The following DPH2 variants were observed in gnomAD, a reference collection of about 807,000 sequenced individuals.
The protein encoded by DPH2 is 2-(3-amino-3-carboxypropyl)histidine synthase subunit 2.
A neutral mutation model predicts 42.5 loss-of-function variants in DPH2; 28 were observed. That is an observed-to-expected ratio of 0.66 (90% CI 0.49 to 0.90). The LOEUF (loss-of-function observed/expected upper bound fraction) is 0.90. Among genes scored for constraint, DPH2 ranks in the 40% least tolerant of loss-of-function variants. The probability of loss-of-function intolerance (pLI) is 0.00; values close to 1 mark genes in which losing one functional copy is unlikely to be tolerated. For synonymous variants in DPH2, 279 were observed against 264.4 expected (o/e 1.06, Z -0.53); for missense variants, 576 against 636.0 (o/e 0.91, Z 1.01).
In DPH2 at chr1:43,971,208, G is replaced by A. The variant is rs1263823988; in HGVS notation, c.484+19G>A. On this transcript the variant is annotated intron_variant, in intron 3 of 5. Coordinates refer to ENST00000255108, the MANE Select transcript of DPH2 (RefSeq NM_001384.5). ...GCCCTGGGTAAGGGGTTTTGCCTGT[G>A]TATGCACAAAGGGTGAGCCAACTGC... The A allele has an allele frequency of 1.9e-6, 3 of 1,548,316 alleles. No individual in the cohort carries two copies. The highest frequency in any genetic ancestry group is 3.9e-5 in the Admixed American group (2 of 50,854).
In DPH2 at chr1:43,972,675, C is replaced by G. The variant is rs1310364684; in HGVS notation, c.*136C>G. ...AGGAGGGAGAGCAGGCAGCCCTTCA[C>G]AGGATAGGATCCGTCTCTGTCCTGT... is the stretch of plus-strand genomic sequence containing the variant. On this transcript the variant is annotated 3_prime_UTR_variant, in exon 6 of 6. Coordinates refer to ENST00000255108, the MANE Select transcript of DPH2 (RefSeq NM_001384.5). 6.9e-6 allele frequency: 9 copies of G among 1,297,092 alleles called. No individual in the cohort carries two copies. In the East Asian group the frequency reaches 2.1e-4, roughly 31 times the overall value. 80.3% of individuals were successfully genotyped at this position (1,297,092 alleles called of 1,614,324 possible). A position where few individuals can be genotyped will look rare whatever the true frequency, so the allele number is the denominator to read the frequency against.
At position 43,972,144 on chromosome 1, in the gene DPH2, C is replaced by T; in HGVS notation, c.1169-14C>T. On this transcript the variant is annotated splice_polypyrimidine_tract_variant and intron_variant, in intron 4 of 5. Transcript: ENST00000255108. ...AGGGGGTGAGTATGGATTTTCTTTC[C>T]TCCTCCCTTTCAGGCTCTCCCTTCC... 1.2e-6 allele frequency: 2 copies of T among 1,611,692 alleles called. No individual in the cohort carries two copies. Among genetic ancestry groups the T allele is most frequent in the Non-Finnish European group, 1.7e-6 (2 of 1,178,272 alleles).
At chr1:43,970,450 T>C in intron 1 of DPH2, 128 bp downstream of exon 1, 2 of 1,524,602 alleles carry the variant, frequency 1.3e-6, no homozygotes, top group Non-Finnish European at 1.8e-6. Flanking sequence ...GCGTTGACCA[T>C]CCCTCCCTTC....
chr1:43,972,534 G>A lies in DPH2; in HGVS notation c.1465G>A (p.Gly489Ser), dbSNP rs767903680. 13 of 1,614,180 alleles carry A rather than the reference G, an allele frequency of 8.1e-6. No individual in the cohort carries two copies. The highest frequency in any genetic ancestry group is 2.2e-5 in the South Asian group (2 of 91,082). The change falls in exon 6 of 6, where the codon GGC becomes AGC. Residue 489 changes from glycine (G) to serine (S), a missense_variant. Gly to Ser is a moderately conservative substitution (Grantham distance 56). Coordinates refer to ENST00000255108, the MANE Select transcript of DPH2 (RefSeq NM_001384.5). ...CATCGCCTATGAGGATGAGGGAAGC[G>A]GCTGATACCATGTGGGGCTGGAGAC... ...IAIAYEDEGS[G>S] is the part of the protein sequence containing the mutation.
chr1:43,970,511 T>C, intron 1 of DPH2, 85 bp from the exon 2 acceptor site: 1 of 1,549,508 alleles, frequency 6.5e-7, no homozygotes, highest in Non-Finnish European at 8.9e-7. Context: ...GCTTTGAAGG[T>C]TGAGTGGGAG....
chr1:43,971,153 G>T lies in DPH2; in HGVS notation c.448G>T (p.Val150Leu). Residue 150 changes from valine to leucine, a missense_variant, in exon 3 of 6, where the codon GTG (valine) becomes TTG (leucine). Val to Leu is a conservative substitution (Grantham distance 32). Around this residue, in one of 3 missense-constraint regions of DPH2, gnomAD observed 395 missense variants for 435.2 expected, o/e 0.91. Transcript: ENST00000255108. The part of the protein sequence containing the change: ...AQNPDPKAPV[V>L]LLSEPACAHA... Reference sequence around the variant, plus strand: ...GAACCCAGACCCCAAAGCGCCTGTGGTGCTGCTGAGTGAGCCGGCCTGTGC... The same window carrying T: ...GAACCCAGACCCCAAAGCGCCTGTGTTGCTGCTGAGTGAGCCGGCCTGTGC... 1.9e-6 allele frequency: 3 copies of T among 1,556,100 alleles called. No individual in the cohort carries two copies. The South Asian group carries it at 3.5e-5, about 18-fold the overall frequency.
intron 1 of DPH2, 51 bp downstream of exon 1, chr1:43,970,373 C>T (rs1339694936): frequency 1.5e-5 from 24 of 1,595,338 alleles, no homozygotes; most frequent in Middle Eastern, 1.7e-4. Flanking sequence ...GATGGGTCGC[C>T]CAGAGGATCC....
rs1423235020 is a variant in DPH2, at chr1:43,973,207, T to A, written c.*668T>A. ...TAAGATTAAAAGCTCAGTTTCTCAGTCACATTAGTCATTCAAGTGTTCAGA... is the reference window on the plus strand; with the variant it reads ...TAAGATTAAAAGCTCAGTTTCTCAGACACATTAGTCATTCAAGTGTTCAGA... On this transcript the variant is annotated 3_prime_UTR_variant, in exon 6 of 6. Transcript: ENST00000255108. 1 of 152,254 alleles carries A rather than the reference T, an allele frequency of 6.6e-6. No individual in the cohort carries two copies. Among genetic ancestry groups the A allele is most frequent in the Non-Finnish European group, 1.5e-5 (1 of 68,080 alleles). The allele number at this position is 152,254 out of a possible 1,614,324, so 9.4% of individuals were successfully genotyped here.
At position 43,972,619 on chromosome 1, in the gene DPH2, C is replaced by A; in HGVS notation, c.*80C>A. 1 of 1,572,024 alleles carries A rather than the reference C, an allele frequency of 6.4e-7. No individual in the cohort carries two copies. Among genetic ancestry groups the A allele is most frequent in the South Asian group, 1.2e-5 (1 of 85,248 alleles). On this transcript the variant is annotated 3_prime_UTR_variant, in exon 6 of 6. Coordinates refer to ENST00000255108, the MANE Select transcript of DPH2 (RefSeq NM_001384.5). ...AGTGCTCCCTGCACCAACCTCCCAT[C>A]CCCCTGCCAAGATCCTTGAAGGACC...
In DPH2 at chr1:43,970,600, C is replaced by T; in HGVS notation, c.152C>T (p.Ala51Val). 2.5e-6 allele frequency: 4 copies of T among 1,614,154 alleles called. No individual in the cohort carries two copies. Among genetic ancestry groups the T allele is most frequent in the Non-Finnish European group, 3.4e-6 (4 of 1,180,002 alleles). Reference sequence around the variant, plus strand: ...CTCCATGGTTTATGCTTATAGGTTGCCTTGCAGTTCCCTGACCAGCTATTG... The same window carrying T: ...CTCCATGGTTTATGCTTATAGGTTGTCTTGCAGTTCCCTGACCAGCTATTG... The part of the protein sequence containing the change: ...FVRDLGCERV[A>V]LQFPDQLLGD... The change falls in exon 2 of 6, where the codon GCC becomes GTC. Residue 51 changes from alanine (A) to valine (V), a missense_variant. Transcript: ENST00000255108.
In DPH2 at chr1:43,970,071, C is replaced by A. The variant is rs2085386450; in HGVS notation, c.-105C>A. ...GAAGGCCGACTGTGATTCCCCCTACCCCCACAAGGCGATTTTGACCCCCTG... is the reference window on the plus strand; with the variant it reads ...GAAGGCCGACTGTGATTCCCCCTACACCCACAAGGCGATTTTGACCCCCTG... On this transcript the variant is annotated 5_prime_UTR_variant, in exon 1 of 6. Transcript: ENST00000255108. 1.5e-6 allele frequency: 2 copies of A among 1,359,566 alleles called. No individual in the cohort carries two copies. The highest frequency in any genetic ancestry group is 2.5e-4 in the Middle Eastern group (1 of 3,986). 84.2% of individuals were successfully genotyped at this position (1,359,566 alleles called of 1,614,324 possible).
Position 43,970,038 on chromosome 1 carries a change from C to T in DPH2, c.-138C>T. The T allele has an allele frequency of 1.0e-6, 1 of 975,924 alleles. No homozygotes were observed. Among genetic ancestry groups the T allele is most frequent in the Non-Finnish European group, 1.5e-6 (1 of 673,998 alleles). 60.5% of individuals were successfully genotyped at this position (975,924 alleles called of 1,614,324 possible). A position where few individuals can be genotyped will look rare whatever the true frequency, so the allele number is the denominator to read the frequency against. On this transcript the variant is annotated 5_prime_UTR_variant, in exon 1 of 6. Coordinates refer to ENST00000255108, the MANE Select transcript of DPH2 (RefSeq NM_001384.5). ...AGTTAGGATGGCTGAAGGGGATACT[C>T]ACCGGCTGAAGGCCGACTGTGATTC... is the stretch of plus-strand genomic sequence containing the variant.
rs148739309 is a variant in DPH2, at chr1:43,971,889, C to T, written c.987C>T (p.Asn329=). 38 of 1,614,106 alleles carry T rather than the reference C, an allele frequency of 2.4e-5. No individual in the cohort carries two copies. In the African/African-American group the frequency reaches 4.9e-4, roughly 21 times the overall value. The change falls in exon 4 of 6, where the codon AAC becomes AAT. Residue 329 remains asparagine, a synonymous_variant. Transcript: ENST00000255108. ...LGRPTPAKLA[N]FPEVDVFVLL... ...GGCCCACCCCTGCCAAGCTTGCCAA[C>T]TTCCCTGAGGTGGATGTCTTTGTGC...
At chr1:43,970,545 A>G in intron 1 of DPH2, 51 bp from the exon 2 acceptor site, 1 of 1,595,154 alleles carries the variant, frequency 6.3e-7, no homozygotes, top group East Asian at 2.2e-5. Flanking sequence ...GCTTTAAAGA[A>G]GCCCTCAGTG....
Position 43,972,719 on chromosome 1 carries a change from T to C in DPH2, c.*180T>C. The C allele has an allele frequency of 1.2e-6, 1 of 817,826 alleles. No homozygotes were observed. Among genetic ancestry groups the C allele is most frequent in the Non-Finnish European group, 1.9e-6 (1 of 530,600 alleles). The allele number at this position is 817,826 out of a possible 1,614,324, so 50.7% of individuals were successfully genotyped here. ...GTCCTGTCCTGGCACTGGCACAAGC[T>C]CAGCACATGCCCAGTAATGCGTGTT... On this transcript the variant is annotated 3_prime_UTR_variant, in exon 6 of 6. Transcript: ENST00000255108.
At chr1:43,970,893 C>T (rs746683174) in intron 2 of DPH2, 73 bp from the exon 3 acceptor site, 2 of 1,463,066 alleles carry the variant, frequency 1.4e-6, no homozygotes, top group South Asian at 1.2e-5. Flanking sequence ...TATTCACTGA[C>T]CACATTTCCC....
rs1316047051 is a variant in DPH2 at position 43,972,988 on chromosome 1, C to G, written c.*449C>G. 6.3e-6 allele frequency: 1 copy of G among 158,080 alleles called. No homozygotes were observed. Among genetic ancestry groups the G allele is most frequent in the Non-Finnish European group, 1.4e-5 (1 of 71,626 alleles). 9.8% of individuals were successfully genotyped at this position (158,080 alleles called of 1,614,324 possible). The stretch of plus-strand genomic sequence containing the variant: ...TGGTGTATGGTAGGGTGCTCAGCAG[C>G]ATCCCTGGCCTCTGCCCACTAGACA... On this transcript the variant is annotated 3_prime_UTR_variant, in exon 6 of 6. Transcript: ENST00000255108.
Position 43,970,145 on chromosome 1 carries a change from C to A in DPH2, c.-31C>A, listed in dbSNP as rs1318799183. The A allele has an allele frequency of 1.2e-6, 2 of 1,607,550 alleles. No individual in the cohort carries two copies. Among genetic ancestry groups the A allele is most frequent in the East Asian group, 4.5e-5 (2 of 44,884 alleles). On this transcript the variant is annotated 5_prime_UTR_variant, in exon 1 of 6. Coordinates refer to ENST00000255108, the MANE Select transcript of DPH2 (RefSeq NM_001384.5). ...CCCCGAAGCTGTCCCAGGGAGGTCC[C>A]CGCTGCATCCCACCACCCAAGCTGT...
chr1:43,971,601 C>T lies in DPH2; in HGVS notation c.699C>T (p.Asp233=). The change falls in exon 4 of 6, where the codon GAC becomes GAT. Residue 233 remains aspartate, a synonymous_variant. Coordinates refer to ENST00000255108, the MANE Select transcript of DPH2 (RefSeq NM_001384.5). ...GCCCTGACCCAGACCTTGACCCAGA[C>T]CTGAGTCGGCTGCTCTTGGGGTGGG... The part of the protein sequence containing the change: ...KASPDPDLDP[D]LSRLLLGWAP... 1 of 1,614,006 alleles carries T rather than the reference C, an allele frequency of 6.2e-7. No individual in the cohort carries two copies. Among genetic ancestry groups the T allele is most frequent in the Non-Finnish European group, 8.5e-7 (1 of 1,179,848 alleles).
Sources: allele counts gnomAD v4.1 joint callset, GRCh38; gene constraint gnomAD v4.1.1; regional missense constraint gnomAD v4.1.1; transcripts MANE v1.5; gene names NCBI Gene and HGNC (gene_info 2026-07-23, HGNC 2026-07-21).